The following FIG4 variants were observed in gnomAD, a reference collection of about 807,000 sequenced individuals.
FIG4 encodes the protein FIG4 phosphoinositide 5-phosphatase.
A neutral mutation model predicts 118.6 loss-of-function variants in FIG4; 112 were observed. The observed-to-expected ratio is 0.94, with a 90% CI of 0.81 to 1.11. The LOEUF is 1.11. Ranked by LOEUF, FIG4 falls within the 50% of genes least tolerant of loss-of-function variation. The pLI is 0.00. For synonymous variants in FIG4, 369 were observed against 381.2 expected (o/e 0.97, Z 0.37); for missense variants, 969 against 1,111.7 (o/e 0.87, Z 1.83).
chr6:109,786,330 G>C lies in FIG4; in HGVS notation c.1977G>C (p.Leu659Phe). 1 of 1,613,380 alleles carries C rather than the reference G, an allele frequency of 6.2e-7. No homozygotes were observed. Among genetic ancestry groups the C allele is most frequent in the Non-Finnish European group, 8.5e-7 (1 of 1,179,358 alleles). The part of the protein sequence containing the change: ...EVICAVNLKK[L>F]IVKKFHKYEE... ...TCTGTGCTGTGAACTTAAAGAAGTTGATAGTGAAGAAATTCCACAAATATG... is the reference window on the plus strand; with the variant it reads ...TCTGTGCTGTGAACTTAAAGAAGTTCATAGTGAAGAAATTCCACAAATATG... The change falls in exon 18 of 23, where the codon TTG becomes TTC. Residue 659 changes from leucine (L) to phenylalanine (F), a missense_variant. Physicochemically the swap from Leu to Phe is conservative, Grantham distance 22 (BLOSUM62 0). Around this residue, in one of 3 missense-constraint regions of FIG4, gnomAD observed 330 missense variants for 348.1 expected, o/e 0.95. Coordinates refer to ENST00000230124, the MANE Select transcript of FIG4 (RefSeq NM_014845.6).
chr6:109,705,519 T>C (rs780822001), intron 1 of FIG4, among the ~76,000 whole-genome samples: 1 of 152,216 alleles, frequency 6.6e-6, no homozygotes, highest in Admixed American at 6.5e-5. Context: ...CCCATTTCTT[T>C]CCCTCCACTC....
chr6:109,761,253 C>T (rs748697900), intron 11 of FIG4, among the ~76,000 whole-genome samples: 21 of 152,216 alleles, frequency 1.4e-4, no homozygotes, highest in East Asian at 3.9e-4. Flanking sequence ...TGCAGTGGTA[C>T]GATCTCAGCT....
intron 22 of FIG4, among the ~76,000 whole-genome samples, chr6:109,821,765 G>A (rs1220777208): frequency 6.6e-6 from 1 of 152,190 alleles, no homozygotes; most frequent in East Asian, 1.9e-4. Context: ...CTGACCCACA[G>A]CGCATATAAA....
At chr6:109,815,620 G>T (rs1778841915) in intron 22 of FIG4, among the ~76,000 whole-genome samples, 1 of 151,216 alleles carries the variant, frequency 6.6e-6, no homozygotes, top group Non-Finnish European at 1.5e-5. Flanking sequence ...GGACTGGCCT[G>T]TGCAGTGGAG....
chr6:109,719,527 G>A (rs1775541830), intron 3 of FIG4, among the ~76,000 whole-genome samples: 1 of 151,860 alleles, frequency 6.6e-6, no homozygotes, highest in South Asian at 2.1e-4. Flanking sequence ...GGGACTACAG[G>A]CATATGCCGC....
chr6:109,763,633 G>C (rs1777178962), intron 12 of FIG4, among the ~76,000 whole-genome samples: 1 of 152,310 alleles, frequency 6.6e-6, no homozygotes, highest in East Asian at 1.9e-4. Context: ...AACAGGAATT[G>C]GGTTTGAATG....
rs1282869999 is a variant in FIG4 at position 109,765,105 on chromosome 6, G to A, written c.1527G>A (p.Leu509=). ...MVGKCALAYQ[L]YSLGLIDKPN... is the part of the protein sequence containing the mutation. ...GAAAATGTGCTCTGGCCTATCAGCT[G>A]TATTCACTGGGACTGATTGACAAAC... The change falls in exon 14 of 23, where the codon CTG becomes CTA. Residue 509 remains leucine (L), a synonymous_variant. Transcript: ENST00000230124. 33 of 1,613,862 alleles carry A rather than the reference G, an allele frequency of 2.0e-5. No individual in the cohort carries two copies. The highest frequency in any genetic ancestry group is 2.7e-5 in the Non-Finnish European group (32 of 1,179,774).
intron 6 of FIG4, among the ~76,000 whole-genome samples, chr6:109,735,700 G>A (rs137994978): frequency 6.6e-6 from 1 of 151,958 alleles, no homozygotes; most frequent in African/African-American, 2.4e-5. Context: ...GTTACCATGG[G>A]TTGCCTATTA....
chr6:109,728,466 G>T (rs542658081), intron 4 of FIG4, among the ~76,000 whole-genome samples: 1 of 152,220 alleles, frequency 6.6e-6, no homozygotes, highest in Non-Finnish European at 1.5e-5. Context: ...ATGGAACAAA[G>T]AAATATTTAT....
intron 22 of FIG4, among the ~76,000 whole-genome samples, chr6:109,803,711 T>C (rs183368593): frequency 3.0e-4 from 46 of 152,216 alleles, no homozygotes; most frequent in African/African-American, 1.0e-3. Flanking sequence ...GTTGGTGTGC[T>C]GCACCCATTG....
In FIG4 at chr6:109,727,241, G is replaced by T; in HGVS notation, c.422G>T (p.Arg141Leu). Residue 141 changes from arginine (R) to leucine (L), a missense_variant, in exon 4 of 23, where the codon CGG becomes CTG. Transcript: ENST00000230124. Reference sequence around the variant, plus strand: ...ATCTATATACCCAATGATTCTGTACGGGTTACTCATCCTGATGAAGCTAGG... The same window carrying T: ...ATCTATATACCCAATGATTCTGTACTGGTTACTCATCCTGATGAAGCTAGG... ...NMIYIPNDSV[R>L]VTHPDEARYL... The T allele has an allele frequency of 1.2e-6, 2 of 1,613,102 alleles. No individual in the cohort carries two copies. Among genetic ancestry groups the T allele is most frequent in the Non-Finnish European group, 1.7e-6 (2 of 1,179,346 alleles).
At chr6:109,785,920 G>T (rs1777939666) in intron 17 of FIG4, 1 of 304,738 alleles carries the variant, frequency 3.3e-6, no homozygotes, top group East Asian at 7.9e-5. Context: ...ACTAACAGTG[G>T]CTATTAACAG....
chr6:109,735,198 G>A lies in FIG4; in HGVS notation c.546G>A (p.Leu182=), dbSNP rs76299485. ...SHSLQYNLTV[L]RMPLEMLKSE... ...CACTTCAATATAATCTCACTGTCTT[G>A]CGAATGCCCCTGGAGATGTTAAAGT... The change falls in exon 6 of 23, where the codon TTG becomes TTA. Residue 182 remains leucine (L), a synonymous_variant. Transcript: ENST00000230124. 2 of 1,612,730 alleles carry A rather than the reference G, an allele frequency of 1.2e-6. No individual in the cohort carries two copies. The highest frequency in any genetic ancestry group is 2.2e-5 in the South Asian group (2 of 91,058).
In FIG4 at chr6:109,698,432, T is replaced by C. The variant is rs151086595; in HGVS notation, c.66+6931T>C. Among the ~76,000 whole-genome samples the C allele has an allele frequency of 3.7e-3, 570 of 152,332 alleles. 3 individuals carry two copies. Among genetic ancestry groups the C allele is most frequent in the African/African-American group, 0.013 (546 of 41,570 alleles). On this transcript the variant is annotated intron_variant, in intron 1 of 22. Coordinates refer to ENST00000230124, the MANE Select transcript of FIG4 (RefSeq NM_014845.6). The stretch of plus-strand genomic sequence containing the variant: ...GAATCTGTAGACCAATTCGGGATAA[T>C]TGAAATTGTATAATCTAGAAAGAGG...
intron 11 of FIG4, 100 bp downstream of exon 11, chr6:109,760,483 A>C (rs1777069948): frequency 9.0e-7 from 1 of 1,106,002 alleles, no homozygotes; most frequent in African/African-American, 1.6e-5. Flanking sequence ...TTACCCTGTT[A>C]ATTTCCTTCA....
chr6:109,764,781 C>T lies in FIG4; in HGVS notation c.1435-232C>T, dbSNP rs566449202. On this transcript the variant is annotated intron_variant, in intron 13 of 22. Transcript: ENST00000230124. ...TTCAAATATAGACCAGAAGATTTAACGGTGCTGTTACAGCAATGTATAACC... is the reference window on the plus strand; with the variant it reads ...TTCAAATATAGACCAGAAGATTTAATGGTGCTGTTACAGCAATGTATAACC... 1.6e-4 allele frequency among the ~76,000 whole-genome samples: 25 copies of T among 152,278 alleles called. 1 individual carries two copies. Among genetic ancestry groups the T allele is most frequent in the South Asian group, 1.0e-3 (5 of 4,830 alleles).
At chr6:109,776,899 G>A in intron 15 of FIG4, 23 bp from the exon 16 acceptor site, 1 of 1,594,964 alleles carries the variant, frequency 6.3e-7, no homozygotes, top group Non-Finnish European at 8.6e-7. Context: ...TGGATTTTCT[G>A]AAATATATAT....
chr6:109,753,487 T>C (rs1776777963), intron 10 of FIG4, among the ~76,000 whole-genome samples: 1 of 152,012 alleles, frequency 6.6e-6, no homozygotes, highest in African/African-American at 2.4e-5. Context: ...AAGAAAGTCA[T>C]TGGTAGCTTG....
rs143184413 is a variant in FIG4 at position 109,776,975 on chromosome 6, G to A, written c.1804G>A (p.Glu602Lys). The A allele has an allele frequency of 1.4e-5, 23 of 1,613,530 alleles. No homozygotes were observed. The African/African-American group carries it at 2.3e-4, about 16-fold the overall frequency. Residue 602 changes from glutamate (E) to lysine (K), a missense_variant, in exon 16 of 23, where the codon GAA (glutamate) becomes AAA (lysine). This residue lies in a region of FIG4 where 246 missense variants were observed against 354.3 expected (regional missense o/e 0.69). Coordinates refer to ENST00000230124, the MANE Select transcript of FIG4 (RefSeq NM_014845.6). Reference protein sequence around the residue: ...NLFLGVFHPTEGKPHLWELPT... With the variant: ...NLFLGVFHPTKGKPHLWELPT... ...CTTCCTGGGAGTTTTCCATCCCACT[G>A]AAGGGAAACCTCATCTCTGGGAGCT...
Sources: allele counts gnomAD v4.1 joint callset (sites outside exome capture counted in the v4.1 genomes callset), GRCh38; gene constraint gnomAD v4.1.1; regional missense constraint gnomAD v4.1.1; transcripts MANE v1.5; gene names NCBI Gene and HGNC (gene_info 2026-07-23, HGNC 2026-07-21).